The following SCD5 variants were observed in gnomAD, a reference collection of about 807,000 sequenced individuals.
SCD5 encodes acyl-CoA-desaturase 4.
SCD5 carries 20 observed loss-of-function variants against 30.4 expected under a neutral mutation model. The observed-to-expected ratio is 0.66, with a 90% CI of 0.46 to 0.96. SCD5 has a LOEUF of 0.96. SCD5 is among the 40% of genes least tolerant of loss of function. SCD5 has a pLI of 0.00. For missense variants in SCD5, 381 were observed against 443.3 expected (o/e 0.86, Z 1.26); for synonymous variants, 173 against 176.4 (o/e 0.98, Z 0.16).
At chr4:82,730,089 T>C (rs1720594939) in intron 1 of SCD5, among the ~76,000 whole-genome samples, 3 of 151,982 alleles carry the variant, frequency 2.0e-5, no homozygotes, top group Admixed American at 6.6e-5. Flanking sequence ...GATGTGCATG[T>C]TAATAAACTT....
chr4:82,795,809 C>CAAAAAAAAAAAAAA (rs72115040), intron 1 of SCD5, among the ~76,000 whole-genome samples: 2 of 43,910 alleles, frequency 4.6e-5, no homozygotes, highest in African/African-American at 1.8e-4. Flanking sequence ...CCCTGTCTCA[C>CAAAAAAAAAAAAAA]AAAAAAAAAA....
chr4:82,753,187 G>C (rs1002184803), intron 1 of SCD5: 1 of 391,030 alleles, frequency 2.6e-6, no homozygotes, highest in Non-Finnish European at 5.2e-6. Flanking sequence ...TGTCTAGGGA[G>C]CATGTCTCAC....
chr4:82,759,045 C>T (rs965422701), intron 1 of SCD5, among the ~76,000 whole-genome samples: 1 of 152,272 alleles, frequency 6.6e-6, no homozygotes, highest in Non-Finnish European at 1.5e-5. Flanking sequence ...CCCTCTTCAG[C>T]TCCCGGCCAT....
chr4:82,659,131 T>A (rs952510316), intron 3 of SCD5, among the ~76,000 whole-genome samples: 3 of 152,206 alleles, frequency 2.0e-5, no homozygotes, highest in Admixed American at 6.5e-5. Flanking sequence ...TAGAGGTGTT[T>A]ATAGTATTCT....
intron 1 of SCD5, among the ~76,000 whole-genome samples, chr4:82,713,642 C>CT (rs1453103876): frequency 6.6e-6 from 1 of 152,234 alleles, no homozygotes; most frequent in Non-Finnish European, 1.5e-5. Flanking sequence ...TTGTGTCTGT[C>CT]TGTCTTTCCA....
chr4:82,712,297 T>TATACATATATATA (rs1560540874), intron 1 of SCD5, among the ~76,000 whole-genome samples: 2 of 33,740 alleles, frequency 5.9e-5, no homozygotes, highest in Non-Finnish European at 1.3e-4. Context: ...TATATATATA[T>TATACATATATATA]TTTATTTTTA....
At chr4:82,656,812 A>G (rs1727876529) in intron 3 of SCD5, among the ~76,000 whole-genome samples, 1 of 152,188 alleles carries the variant, frequency 6.6e-6, no homozygotes, top group South Asian at 2.1e-4. Flanking sequence ...ATGAGATGGT[A>G]TCTTATTGTG....
At chr4:82,773,387 A>G (rs879449988) in intron 1 of SCD5, among the ~76,000 whole-genome samples, 3 of 152,102 alleles carry the variant, frequency 2.0e-5, no homozygotes, top group Non-Finnish European at 4.4e-5. Flanking sequence ...TTTGTCTCCT[A>G]GATGCAGGGA....
Position 82,747,047 on chromosome 4 carries a change from T to C in SCD5, c.233-41634A>G, listed in dbSNP as rs530405822. Among the ~76,000 whole-genome samples, 39 of 142,520 alleles carry C rather than the reference T, an allele frequency of 2.7e-4. 1 individual carries two copies. Among genetic ancestry groups the C allele is most frequent in the Admixed American group, 8.7e-4 (12 of 13,858 alleles). The allele number at this position is 142,520 out of a possible 152,430, so 93.5% of individuals were successfully genotyped here. A position where few individuals can be genotyped will look rare whatever the true frequency, so the allele number is the denominator to read the frequency against. ...AAGGGGAGTTCGGTTGGGGGGCAGT[T>C]AGAGAAAAGTCTGGGCAACCTGCCC... On this transcript the variant is annotated intron_variant, in intron 1 of 4. Transcript: ENST00000319540.
intron 3 of SCD5, among the ~76,000 whole-genome samples, chr4:82,640,500 C>G (rs1007358348): frequency 6.6e-6 from 1 of 152,162 alleles, no homozygotes; most frequent in African/African-American, 2.4e-5. Flanking sequence ...TTTGTATGTT[C>G]AGTAGAATGG....
chr4:82,672,419 A>G (rs1361603521), intron 3 of SCD5, among the ~76,000 whole-genome samples: 1 of 152,098 alleles, frequency 6.6e-6, no homozygotes, highest in Non-Finnish European at 1.5e-5. Context: ...ACTATGAACA[A>G]CTCTGTGCCC....
At chr4:82,788,099 T>C (rs968613141) in intron 1 of SCD5, among the ~76,000 whole-genome samples, 5 of 152,142 alleles carry the variant, frequency 3.3e-5, no homozygotes, top group African/African-American at 1.2e-4. Context: ...CTTCACCCCT[T>C]TTGCCATGTG....
chr4:82,636,611 AGTGGGTTCTGCCGAGGGCTGATGTGCTT>A lies in SCD5; in HGVS notation c.754_781del (p.Lys252SerfsTer29), dbSNP rs1727436320. On this transcript the variant is annotated frameshift_variant, in exon 4 of 5. Transcript: ENST00000319540. LOFTEE classifies it high-confidence loss of function. Reference sequence around the variant, plus strand: ...CTCACCAATGGCACCCAGAGCGACGAGTGGGTTCTGCCGAGGGCTGATGTGCTTGTCATAGGGCCGGTTTCCATACATG... The same window carrying A: ...CTCACCAATGGCACCCAGAGCGACGAGTCATAGGGCCGGTTTCCATACATG... 1 of 1,613,936 alleles carries A rather than the reference AGTGGGTTCTGCCGAGGGCTGATGTGCTT, an allele frequency of 6.2e-7. No individual in the cohort carries two copies. Among genetic ancestry groups the A allele is most frequent in the Admixed American group, 1.7e-5 (1 of 60,002 alleles).
chr4:82,658,133 T>C (rs972378183), intron 3 of SCD5, among the ~76,000 whole-genome samples: 8 of 152,212 alleles, frequency 5.3e-5, no homozygotes, highest in Non-Finnish European at 8.8e-5. Flanking sequence ...CAATACTACA[T>C]TGAATAGGAG....
chr4:82,671,761 C>T (rs548552139), intron 3 of SCD5, among the ~76,000 whole-genome samples: 2 of 152,216 alleles, frequency 1.3e-5, no homozygotes, highest in East Asian at 3.9e-4. Flanking sequence ...TCCTGTAATC[C>T]CTGCTACTCA....
chr4:82,756,906 C>T (rs1486801111), intron 1 of SCD5, among the ~76,000 whole-genome samples: 1 of 152,108 alleles, frequency 6.6e-6, no homozygotes, highest in Non-Finnish European at 1.5e-5. Flanking sequence ...CCCTCTGTCA[C>T]CCAGGCTGGA....
chr4:82,749,027 C>T (rs1721048239), intron 1 of SCD5, among the ~76,000 whole-genome samples: 1 of 152,146 alleles, frequency 6.6e-6, no homozygotes, highest in Admixed American at 6.5e-5. Context: ...TAGGAACCAG[C>T]CTGACACAGG....
chr4:82,691,948 G>C (rs530954390), intron 2 of SCD5: 1 of 152,260 alleles, frequency 6.6e-6, no homozygotes, highest in Non-Finnish European at 1.5e-5. Flanking sequence ...GGTTTGGAAG[G>C]CATTTTGAGT....
At chr4:82,792,371 A>G (rs1473733413) in intron 1 of SCD5, among the ~76,000 whole-genome samples, 2 of 152,218 alleles carry the variant, frequency 1.3e-5, no homozygotes, top group Non-Finnish European at 2.9e-5. Context: ...TTGGGAGGTA[A>G]TAATAGTAGA....
Sources: gnomAD v4.1 joint callset for allele counts (sites outside exome capture counted in the v4.1 genomes callset) on GRCh38, gnomAD v4.1.1 for gene constraint, MANE v1.5 for transcripts, NCBI Gene and HGNC (gene_info 2026-07-23, HGNC 2026-07-21) for gene names.